CHCHD3: variants seen among roughly 807,000 people sequenced by gnomAD.
The protein encoded by CHCHD3 is coiled-coil-helix-coiled-coil-helix domain containing 3.
A neutral mutation model predicts 38.2 loss-of-function variants in CHCHD3; 20 were observed. The observed-to-expected ratio is 0.52, with a 90% CI of 0.37 to 0.76. The LOEUF (loss-of-function observed/expected upper bound fraction) is 0.76, where lower values mean the gene tolerates loss of function less well. Among genes scored for constraint, CHCHD3 ranks in the 30% least tolerant of loss-of-function variants. The pLI, the probability that CHCHD3 is intolerant of heterozygous loss-of-function variation, is 0.00. For synonymous variants in CHCHD3, 82 were observed against 100.0 expected, an observed-to-expected ratio of 0.82 and a Z score of 1.07; for missense variants, 245 against 279.2, an observed-to-expected ratio of 0.88 and a Z score of 0.87.
intron 3 of CHCHD3, among the ~76,000 whole-genome samples, chr7:132,987,382 A>G (rs1562930418): frequency 1.3e-5 from 2 of 152,258 alleles, no homozygotes; most frequent in African/African-American, 4.8e-5. Flanking sequence ...GATATTGCAC[A>G]TGATTTACAA....
chr7:132,893,745 T>C (rs1378720501), intron 4 of CHCHD3, among the ~76,000 whole-genome samples: 1 of 152,156 alleles, frequency 6.6e-6, no homozygotes, highest in Non-Finnish European at 1.5e-5. Flanking sequence ...TGAGATCTGA[T>C]GGTTCTGTAA....
chr7:132,980,213 G>C (rs895290113), intron 3 of CHCHD3, among the ~76,000 whole-genome samples: 11 of 152,198 alleles, frequency 7.2e-5, no homozygotes, highest in African/African-American at 2.7e-4. Flanking sequence ...TCACTAAGGA[G>C]AGAAGACCCA....
chr7:132,950,755 T>C (rs907041973), intron 4 of CHCHD3, among the ~76,000 whole-genome samples: 1 of 152,346 alleles, frequency 6.6e-6, no homozygotes, highest in Middle Eastern at 3.4e-3. Flanking sequence ...TTATACTCCA[T>C]AGTAGGTTGC....
intron 4 of CHCHD3, among the ~76,000 whole-genome samples, chr7:132,959,369 T>A (rs1811255645): frequency 1.3e-5 from 2 of 152,150 alleles, no homozygotes; most frequent in South Asian, 4.1e-4. Context: ...CTATCTTCAG[T>A]GATGTGGGGA....
chr7:132,847,027 T>C (rs545307025), intron 5 of CHCHD3, among the ~76,000 whole-genome samples: 1 of 152,148 alleles, frequency 6.6e-6, no homozygotes, highest in Non-Finnish European at 1.5e-5. Context: ...TGCAAGTGTA[T>C]CAACAAATAA....
chr7:132,957,629 C>T (rs922190220), intron 4 of CHCHD3, among the ~76,000 whole-genome samples: 2 of 152,008 alleles, frequency 1.3e-5, no homozygotes, highest in Admixed American at 6.6e-5. Flanking sequence ...TTACAGGCTG[C>T]GCCACCGCAC....
chr7:132,825,664 G>T (rs1165134593), intron 6 of CHCHD3, among the ~76,000 whole-genome samples: 1 of 152,240 alleles, frequency 6.6e-6, no homozygotes, highest in Non-Finnish European at 1.5e-5. Flanking sequence ...AGCGAAGCCT[G>T]ATGCAGAAAA....
chr7:132,874,279 T>G (rs1236900360), intron 5 of CHCHD3, among the ~76,000 whole-genome samples: 1 of 152,214 alleles, frequency 6.6e-6, no homozygotes, highest in East Asian at 1.9e-4. Context: ...CAAATTAAAT[T>G]GCAGAGCATG....
In CHCHD3 at chr7:132,785,369, G is replaced by A; in HGVS notation, c.*268C>T. ...AATAGAAAGTACCAAAAGGTGGAGA[G>A]GGCTGCCCTTCTCTTTTAATCATCA... is the stretch of plus-strand genomic sequence containing the variant. On this transcript the variant is annotated 3_prime_UTR_variant, in exon 8 of 8. Transcript: ENST00000262570. 2.1e-6 allele frequency: 1 copy of A among 482,862 alleles called. No individual in the cohort carries two copies. Among genetic ancestry groups the A allele is most frequent in the South Asian group, 2.9e-5 (1 of 34,168 alleles). 29.9% of individuals were successfully genotyped at this position (482,862 alleles called of 1,614,324 possible).
chr7:132,875,070 G>A (rs1477231717), intron 5 of CHCHD3, among the ~76,000 whole-genome samples: 1 of 152,100 alleles, frequency 6.6e-6, no homozygotes, highest in Admixed American at 6.5e-5. Flanking sequence ...TAAAAAAAAT[G>A]TAGGTACTAG....
At chr7:133,018,097 TA>T (rs1026700788) in intron 3 of CHCHD3, among the ~76,000 whole-genome samples, 1 of 152,140 alleles carries the variant, frequency 6.6e-6, no homozygotes. Context: ...ATAAAGCATT[TA>T]AAAAAACAGC....
intron 6 of CHCHD3, among the ~76,000 whole-genome samples, chr7:132,804,687 G>C (rs1229502693): frequency 6.6e-6 from 1 of 152,194 alleles, no homozygotes; most frequent in Non-Finnish European, 1.5e-5. Flanking sequence ...TGGTGAGAGA[G>C]CGTGTTACAT....
In CHCHD3 at chr7:133,035,010, G is replaced by C; in HGVS notation, c.170-10383C>G. ...CTCCCAGAAATATGGCAGTGCCACAGAGAGTGTGTCCTCATTGGAGTACTT... is the reference window on the plus strand; with the variant it reads ...CTCCCAGAAATATGGCAGTGCCACACAGAGTGTGTCCTCATTGGAGTACTT... On this transcript the variant is annotated intron_variant, in intron 2 of 7. Coordinates refer to ENST00000262570, the MANE Select transcript of CHCHD3 (RefSeq NM_017812.4). This position sits in a 1 kb window ranked among gnomAD's most constrained non-coding sequence, Gnocchi z 4.7. 2.5e-6 allele frequency: 4 copies of C among 1,612,022 alleles called. No individual in the cohort carries two copies. The highest frequency in any genetic ancestry group is 3.4e-6 in the Non-Finnish European group (4 of 1,178,946).
At chr7:132,942,099 C>A (rs577219841) in intron 4 of CHCHD3, among the ~76,000 whole-genome samples, 1 of 152,044 alleles carries the variant, frequency 6.6e-6, no homozygotes, top group Non-Finnish European at 1.5e-5. Flanking sequence ...CCTGCTGGGT[C>A]CCTATACAAT....
At chr7:132,878,389 C>G (rs1808967457) in intron 5 of CHCHD3, among the ~76,000 whole-genome samples, 1 of 152,144 alleles carries the variant, frequency 6.6e-6, no homozygotes, top group South Asian at 2.1e-4. Flanking sequence ...ATTAATCATA[C>G]AGATGAGCCC....
intron 4 of CHCHD3, among the ~76,000 whole-genome samples, chr7:132,955,792 G>A (rs1457991750): frequency 6.6e-6 from 1 of 152,144 alleles, no homozygotes; most frequent in Non-Finnish European, 1.5e-5. Context: ...TAACCAAGGA[G>A]CAAGGTGGGG....
intron 5 of CHCHD3, among the ~76,000 whole-genome samples, chr7:132,882,461 CTA>C (rs71178065): frequency 2.0e-3 from 265 of 134,964 alleles, no homozygotes; most frequent in African/African-American, 6.5e-3. Context: ...ACAATATATT[CTA>C]TATATATATA....
intron 4 of CHCHD3, among the ~76,000 whole-genome samples, chr7:132,935,326 G>C (rs185690863): frequency 6.6e-6 from 1 of 152,288 alleles, no homozygotes; most frequent in East Asian, 1.9e-4. Flanking sequence ...TCAGACTGGA[G>C]GTTGCTACCT....
At chr7:132,883,768 A>G (rs1809132952) in intron 5 of CHCHD3, among the ~76,000 whole-genome samples, 1 of 152,164 alleles carries the variant, frequency 6.6e-6, no homozygotes, top group Admixed American at 6.5e-5. Flanking sequence ...AAAATTACTG[A>G]CATTCTCTAA....
Sources: allele counts gnomAD v4.1 joint callset (sites outside exome capture counted in the v4.1 genomes callset), GRCh38; gene constraint gnomAD v4.1.1; non-coding constraint Gnocchi (gnomAD v3.1); transcripts MANE v1.5; gene names NCBI Gene and HGNC (gene_info 2026-07-23, HGNC 2026-07-21).